The following SLC38A6 variants were observed in gnomAD, a reference collection of about 807,000 sequenced individuals.
SLC38A6 encodes the protein solute carrier family 38 member 6, also known as N system amino acid transporter NAT-1.
Under a neutral mutation model 65.0 loss-of-function variants are expected in SLC38A6, and 73 were observed. The ratio of observed to expected loss-of-function variants is 1.12; its 90% CI spans 0.93 to 1.37. The LOEUF (loss-of-function observed/expected upper bound fraction) is 1.37. SLC38A6 is among the 40% of genes most tolerant of loss of function. SLC38A6 has a pLI of 0.00. For synonymous variants in SLC38A6, 183 were observed against 178.8 expected, an observed-to-expected ratio of 1.02 and a Z score of -0.19; for missense variants, 561 against 531.1, an observed-to-expected ratio of 1.06 and a Z score of -0.55.
intron 3 of SLC38A6, among the ~76,000 whole-genome samples, chr14:60,999,986 A>C (rs2038590843): frequency 6.6e-6 from 1 of 152,246 alleles, no homozygotes; most frequent in East Asian, 1.9e-4. Context: ...GGAAACTAAT[A>C]CACTACTTAC....
chr14:60,995,108 C>G (rs2038193445), intron 3 of SLC38A6, among the ~76,000 whole-genome samples: 1 of 151,842 alleles, frequency 6.6e-6, no homozygotes, highest in Non-Finnish European at 1.5e-5. Context: ...ACCATGTGAT[C>G]CAGCAATTCC....
At chr14:61,076,019 C>A (rs1321006400) in intron 15 of SLC38A6, among the ~76,000 whole-genome samples, 1 of 152,050 alleles carries the variant, frequency 6.6e-6, no homozygotes, top group African/African-American at 2.4e-5. Flanking sequence ...CCACACCCAG[C>A]TAATTTTGTA....
Position 61,046,119 on chromosome 14 carries a change from T to C in SLC38A6, c.877T>C (p.Phe293Leu). 1.2e-6 allele frequency: 2 copies of C among 1,612,042 alleles called. No homozygotes were observed. The highest frequency in any genetic ancestry group is 1.7e-6 in the Non-Finnish European group (2 of 1,178,662). Reference sequence around the variant, plus strand: ...TACCAATACAGCAATTGCTTTAAGTTTTCTCATTTATTTTATATCTGCACT... The same window carrying C: ...TACCAATACAGCAATTGCTTTAAGTCTTCTCATTTATTTTATATCTGCACT... ...NVTNTAIALSFLIYFISALFG... is the reference protein window; with the variant it reads ...NVTNTAIALSLLIYFISALFG... The change falls in exon 12 of 16, where the codon TTT becomes CTT. Residue 293 changes from phenylalanine to leucine, a missense_variant. Phe to Leu is a conservative substitution (Grantham distance 22, BLOSUM62 0). Transcript: ENST00000267488.
chr14:60,987,169 CT>C (rs75703068), intron 3 of SLC38A6: 25,809 of 191,448 alleles, frequency 0.13, 609 homozygotes, highest in South Asian at 0.26. Flanking sequence ...TAGGCTTTTC[CT>C]TTTTTTTTTT....
At chr14:61,045,658 C>T (rs1478648630) in intron 11 of SLC38A6, among the ~76,000 whole-genome samples, 2 of 151,918 alleles carry the variant, frequency 1.3e-5, no homozygotes, top group Non-Finnish European at 2.9e-5. Context: ...CCGAGGCAGG[C>T]GGGTCACCTG....
Position 61,030,697 on chromosome 14 carries a change from A to G in SLC38A6, c.482+174A>G, listed in dbSNP as rs543339577. Reference sequence around the variant, plus strand: ...TAATAGAATAGAAACTACTCAGCCAATGTTTGATTACCCATATGAAAGCGC... The same window carrying G: ...TAATAGAATAGAAACTACTCAGCCAGTGTTTGATTACCCATATGAAAGCGC... On this transcript the variant is annotated intron_variant, in intron 6 of 15. Coordinates refer to ENST00000267488, the MANE Select transcript of SLC38A6 (RefSeq NM_153811.3). 91 of 517,788 alleles carry G rather than the reference A, an allele frequency of 1.8e-4. 1 individual carries two copies. The South Asian group carries it at 2.1e-3, about 12-fold the overall frequency. The allele number at this position is 517,788 out of a possible 1,614,324, so 32.1% of individuals were successfully genotyped here.
chr14:61,077,260 A>G (rs1229497900), intron 15 of SLC38A6, among the ~76,000 whole-genome samples: 8 of 152,334 alleles, frequency 5.3e-5, no homozygotes, highest in Admixed American at 1.3e-4. Flanking sequence ...TAACCAGTCT[A>G]TATTCAAAAA....
intron 15 of SLC38A6, among the ~76,000 whole-genome samples, chr14:61,071,038 T>C (rs1464736211): frequency 3.3e-5 from 5 of 152,210 alleles, no homozygotes; most frequent in Admixed American, 3.3e-4. Flanking sequence ...ATCTCTTCTG[T>C]TGGATGTTGT....
chr14:61,021,898 G>A (rs2040362730), intron 5 of SLC38A6, among the ~76,000 whole-genome samples: 1 of 152,030 alleles, frequency 6.6e-6, no homozygotes, highest in African/African-American at 2.4e-5. Context: ...TTGCTCTTGT[G>A]AGCAGAACAC....
intron 15 of SLC38A6, among the ~76,000 whole-genome samples, chr14:61,076,775 C>T (rs2043435211): frequency 6.6e-6 from 1 of 152,206 alleles, no homozygotes; most frequent in South Asian, 2.1e-4. Flanking sequence ...TTCATTGCCA[C>T]AGCACTGTTG....
chr14:60,984,315 A>C (rs958265715), intron 2 of SLC38A6, among the ~76,000 whole-genome samples: 1 of 152,178 alleles, frequency 6.6e-6, no homozygotes, highest in Admixed American at 6.5e-5. Flanking sequence ...TATCACTGGA[A>C]GTAGAGGGAG....
chr14:61,038,769 C>G, intron 8 of SLC38A6, among the ~76,000 whole-genome samples: 1 of 152,154 alleles, frequency 6.6e-6, no homozygotes, highest in East Asian at 1.9e-4. Flanking sequence ...GCTCTTAAAA[C>G]TAAAAACATT....
chr14:61,013,428 T>C (rs1049419020), intron 3 of SLC38A6, among the ~76,000 whole-genome samples: 1 of 152,222 alleles, frequency 6.6e-6, no homozygotes, highest in African/African-American at 2.4e-5. Flanking sequence ...CCTGTCGTTA[T>C]GATGTTAGCT....
chr14:61,046,882 G>A (rs966996449), intron 12 of SLC38A6, among the ~76,000 whole-genome samples: 2 of 152,030 alleles, frequency 1.3e-5, no homozygotes, highest in East Asian at 1.9e-4. Context: ...TGCTAGAGAC[G>A]CTACAAAGAA....
intron 15 of SLC38A6, among the ~76,000 whole-genome samples, chr14:61,071,431 C>G (rs1279411011): frequency 6.6e-6 from 1 of 152,042 alleles, no homozygotes; most frequent in Non-Finnish European, 1.5e-5. Context: ...CCTGTAATCA[C>G]AGTACTTTGG....
intron 3 of SLC38A6, among the ~76,000 whole-genome samples, chr14:61,011,608 C>T (rs1182050031): frequency 1.3e-5 from 2 of 152,106 alleles, no homozygotes; most frequent in South Asian, 2.1e-4. Context: ...TTGAATTTTG[C>T]CAAAGGCCTT....
At chr14:61,046,941 A>C (rs758915258) in intron 12 of SLC38A6, among the ~76,000 whole-genome samples, 4 of 152,114 alleles carry the variant, frequency 2.6e-5, no homozygotes, top group Non-Finnish European at 5.9e-5. Flanking sequence ...ATAAAACAAA[A>C]TTACTTAAAT....
intron 5 of SLC38A6, among the ~76,000 whole-genome samples, chr14:61,026,843 A>G (rs2040638580): frequency 6.6e-6 from 1 of 152,100 alleles, no homozygotes; most frequent in Admixed American, 6.6e-5. Context: ...AAGTGAGGAA[A>G]TAACTTGTGT....
chr14:61,008,154 T>G (rs977928671), intron 3 of SLC38A6, among the ~76,000 whole-genome samples: 1 of 152,206 alleles, frequency 6.6e-6, no homozygotes, highest in African/African-American at 2.4e-5. Flanking sequence ...ATTGCCCTTG[T>G]GCATTGTTTA....
Sources: gnomAD v4.1 joint callset for allele counts (sites outside exome capture counted in the v4.1 genomes callset) on GRCh38, gnomAD v4.1.1 for gene constraint, MANE v1.5 for transcripts, NCBI Gene and HGNC (gene_info 2026-07-23, HGNC 2026-07-21) for gene names.